RABGGTA: variants seen among roughly 807,000 people sequenced by gnomAD.
RABGGTA encodes Rab geranylgeranyltransferase subunit alpha, also known as geranylgeranyl transferase type-2 subunit alpha.
Under a neutral mutation model 83.3 loss-of-function variants are expected in RABGGTA, and 69 were observed. The observed-to-expected ratio is 0.83, with a 90% CI of 0.68 to 1.01. RABGGTA has a LOEUF of 1.01. Among genes scored for constraint, RABGGTA ranks in the 50% least tolerant of loss-of-function variants. RABGGTA has a pLI of 0.00. For missense variants in RABGGTA, 681 were observed against 712.7 expected (o/e 0.96, Z 0.51); for synonymous variants, 310 against 299.8 (o/e 1.03, Z -0.35).
chr14:24,268,055 A>G, intron 12 of RABGGTA, 55 bp downstream of exon 12: 1 of 1,607,272 alleles, frequency 6.2e-7, no homozygotes, highest in Non-Finnish European at 8.5e-7. Context: ...GCCACACTGG[A>G]AAGGGGTTTC....
intron 4 of RABGGTA, 69 bp downstream of exon 4, chr14:24,270,265 C>T: frequency 1.3e-6 from 2 of 1,588,972 alleles, no homozygotes; most frequent in Non-Finnish European, 1.7e-6. Context: ...ATTTCTCCTC[C>T]ACCCCTAGAC....
At position 24,268,974 on chromosome 14, in the gene RABGGTA, C is replaced by A; in HGVS notation, c.735G>T (p.Leu245=). Residue 245 remains leucine (L), a synonymous_variant, in exon 8 of 17, where the codon CTG becomes CTT. Transcript: ENST00000216840. ...LLGRADPQDA[L]RCLHVSRDEA... is the part of the protein sequence containing the mutation. ...CGTCCCGGCTCACATGCAGGCAGCG[C>A]AGTGCATCCTGGGGGTCAGCTGCGG... is the stretch of plus-strand genomic sequence containing the variant. The A allele has an allele frequency of 6.3e-7, 1 of 1,587,292 alleles. No homozygotes were observed. The highest frequency in any genetic ancestry group is 8.6e-7 in the Non-Finnish European group (1 of 1,165,880).
In RABGGTA at chr14:24,266,413, C is replaced by T. The variant is rs146718924; in HGVS notation, c.1555+17G>A. The stretch of plus-strand genomic sequence containing the variant: ...CACTTTACCCACTGTCTGAAAGGCA[C>T]CCAGAAGGAAGGATACGGTTGTTGC... On this transcript the variant is annotated intron_variant, in intron 16 of 16. Coordinates refer to ENST00000216840, the MANE Select transcript of RABGGTA (RefSeq NM_182836.3). 2.6e-5 allele frequency: 42 copies of T among 1,613,404 alleles called. No homozygotes were observed. The African/African-American group carries it at 5.2e-4, about 20-fold the overall frequency.
Position 24,270,004 on chromosome 14 carries a change from T to G in RABGGTA, c.376A>C (p.Thr126Pro). The change falls in exon 5 of 17, where the codon ACC (threonine) becomes CCC (proline). Residue 126 changes from threonine to proline, a missense_variant. Physicochemically the swap from Thr to Pro is conservative, Grantham distance 38. This residue lies in a region of RABGGTA where 122 missense variants were observed against 118.9 expected (regional missense o/e 1.03). Transcript: ENST00000216840. ...LLGRLPEPNWTRELELCARFL... is the reference protein window; with the variant it reads ...LLGRLPEPNWPRELELCARFL... Reference sequence around the variant, plus strand: ...CGGGCACAGAGCTCCAGCTCTCGGGTCCAGTTGGGCTCAGGCAGGCGGCCT... The same window carrying G: ...CGGGCACAGAGCTCCAGCTCTCGGGGCCAGTTGGGCTCAGGCAGGCGGCCT... 6.2e-7 allele frequency: 1 copy of G among 1,613,692 alleles called. No individual in the cohort carries two copies. Among genetic ancestry groups the G allele is most frequent in the Non-Finnish European group, 8.5e-7 (1 of 1,179,800 alleles).
chr14:24,268,546 C>T lies in RABGGTA; in HGVS notation c.974G>A (p.Gly325Asp), dbSNP rs774100217. ...AAGCACGCATTCTTTCTGGACATCG[C>T]CTGCTGTCCAAATGACGCGAAATGT... ...QHTFRVIWTAGDVQKECVLLK... is the reference protein window; with the variant it reads ...QHTFRVIWTADDVQKECVLLK... The change falls in exon 10 of 17, where the codon GGC becomes GAC. Residue 325 changes from glycine (G) to aspartate (D), a missense_variant. This residue lies in a region of RABGGTA where 421 missense variants were observed against 418.5 expected (regional missense o/e 1.01). Transcript: ENST00000216840. 3 of 1,614,020 alleles carry T rather than the reference C, an allele frequency of 1.9e-6. No individual in the cohort carries two copies. Among genetic ancestry groups the T allele is most frequent in the Admixed American group, 1.7e-5 (1 of 60,020 alleles).
chr14:24,269,761 A>G (rs2040922058), intron 5 of RABGGTA, 67 bp from the exon 6 acceptor site: 5 of 1,539,320 alleles, frequency 3.2e-6, no homozygotes. Flanking sequence ...TGGGACCCCT[A>G]GAGTCCCCTC....
In RABGGTA at chr14:24,269,956, T is replaced by C; in HGVS notation, c.424A>G (p.Asn142Asp). ...CARFLEVDER[N>D]FHCWDYRRFV... ...GACAGAATCTGCAGCCACGTACAGT[T>C]CCGCTCATCCACCTCCAGGAAACGG... is the stretch of plus-strand genomic sequence containing the variant. Residue 142 changes from asparagine (N) to aspartate (D), a missense_variant, in exon 5 of 17, where the codon AAC becomes GAC. Asn to Asp is a conservative substitution (Grantham distance 23, BLOSUM62 1). Around this residue, in one of 5 missense-constraint regions of RABGGTA, gnomAD observed 122 missense variants for 118.9 expected, o/e 1.03. Coordinates refer to ENST00000216840, the MANE Select transcript of RABGGTA (RefSeq NM_182836.3). 6.2e-7 allele frequency: 1 copy of C among 1,613,164 alleles called. No individual in the cohort carries two copies. Among genetic ancestry groups the C allele is most frequent in the South Asian group, 1.1e-5 (1 of 90,960 alleles).
chr14:24,268,050 A>T, intron 12 of RABGGTA, 60 bp downstream of exon 12: 2 of 1,605,510 alleles, frequency 1.2e-6, no homozygotes, highest in Non-Finnish European at 1.7e-6. Flanking sequence ...TCAGGGCCAC[A>T]CTGGAAAGGG....
chr14:24,267,944 T>G lies in RABGGTA; in HGVS notation c.1162A>C (p.Ile388Leu), dbSNP rs769026751. The G allele has an allele frequency of 1.2e-6, 2 of 1,613,796 alleles. No homozygotes were observed. The highest frequency in any genetic ancestry group is 4.5e-5 in the East Asian group (2 of 44,874). Residue 388 changes from isoleucine (I) to leucine (L), a missense_variant, in exon 13 of 17, where the codon ATC (isoleucine) becomes CTC (leucine). This residue lies in a region of RABGGTA where 421 missense variants were observed against 418.5 expected (regional missense o/e 1.01). Transcript: ENST00000216840. ...TCCAGTGCCCGCATCAGCAGGATGA[T>G]GGTAAGCAGGCACCCTGAGGAGAGG... ...EPENKWCLLTIILLMRALDPL... is the reference protein window; with the variant it reads ...EPENKWCLLTLILLMRALDPL...
rs1566386599 is a variant in RABGGTA at position 24,268,413 on chromosome 14, C to T, written c.1014G>A (p.Gln338=). The change falls in exon 11 of 17, where the codon CAG becomes CAA. Residue 338 remains glutamine, a synonymous_variant. Transcript: ENST00000216840. ...TCGTGGAGTCCCGGCACCAGCCCTC[C>T]TGGCGGCCTGGGGAAAGAGTAGGTG... ...QKECVLLKGR[Q]EGWCRDSTTD... 6.2e-7 allele frequency: 1 copy of T among 1,613,676 alleles called. No homozygotes were observed. The highest frequency in any genetic ancestry group is 1.3e-5 in the African/African-American group (1 of 75,058).
Position 24,266,866 on chromosome 14 carries a change from C to T in RABGGTA, c.1377G>A (p.Leu459=). ...GATGGGTGACCAAGAGCAGCTGTTCCAGATGGCAGAGCACTGTCAGATCCT... is the reference window on the plus strand; with the variant it reads ...GATGGGTGACCAAGAGCAGCTGTTCTAGATGGCAGAGCACTGTCAGATCCT... The part of the protein sequence containing the change: ...AHKDLTVLCH[L]EQLLLVTHLD... The change falls in exon 15 of 17, where the codon CTG becomes CTA. Residue 459 remains leucine, a synonymous_variant. Transcript: ENST00000216840. 6.2e-7 allele frequency: 1 copy of T among 1,613,860 alleles called. No individual in the cohort carries two copies. Among genetic ancestry groups the T allele is most frequent in the South Asian group, 1.1e-5 (1 of 91,078 alleles).
intron 6 of RABGGTA, 54 bp from the exon 7 acceptor site, chr14:24,269,217 G>T: frequency 6.7e-7 from 1 of 1,496,092 alleles, no homozygotes. Context: ...TGAGCTCCTG[G>T]CCACTCCAAC....
intron 1 of RABGGTA, 89 bp from the exon 2 acceptor site, chr14:24,271,258 G>A (rs1372989270): frequency 9.0e-6 from 10 of 1,110,526 alleles, no homozygotes; most frequent in Non-Finnish European, 1.1e-5. Context: ...CCTGGGCAGA[G>A]ACCCCCAGAG....
At position 24,269,607 on chromosome 14, in the gene RABGGTA, G is replaced by A. The variant is rs766905922; in HGVS notation, c.515C>T (p.Thr172Ile). 6.2e-7 allele frequency: 1 copy of A among 1,613,808 alleles called. No individual in the cohort carries two copies. Among genetic ancestry groups the A allele is most frequent in the African/African-American group, 1.3e-5 (1 of 74,922 alleles). Residue 172 changes from threonine (T) to isoleucine (I), a missense_variant, in exon 6 of 17, where the codon ACC (threonine) becomes ATC (isoleucine). Transcript: ENST00000216840. ...GGAAGAGTAGTTGGAGAAGTTTCGG[G>A]TGATGAGGCTGTCAGTGAAGGCTAG... Reference protein sequence around the residue: ...EELAFTDSLITRNFSNYSSWH... With the variant: ...EELAFTDSLIIRNFSNYSSWH...
Position 24,270,460 on chromosome 14 carries a change from TAAG to T in RABGGTA, c.115-5_115-3del, listed in dbSNP as rs1566388717. ...CTCATCCAGCTCACCAGCCTGGCGC[TAAG>T]AAGATAGGTGGCAGGGTTAGAGATC... On this transcript the variant is annotated splice_polypyrimidine_tract_variant and splice_region_variant and intron_variant, in intron 3 of 16. Coordinates refer to ENST00000216840, the MANE Select transcript of RABGGTA (RefSeq NM_182836.3). 3 of 1,614,030 alleles carry T rather than the reference TAAG, an allele frequency of 1.9e-6. No homozygotes were observed. The highest frequency in any genetic ancestry group is 1.6e-4 in the Middle Eastern group (1 of 6,062).
Position 24,266,532 on chromosome 14 carries a change from G to T in RABGGTA, c.1468-15C>A. 1 of 1,611,372 alleles carries T rather than the reference G, an allele frequency of 6.2e-7. No individual in the cohort carries two copies. Among genetic ancestry groups the T allele is most frequent in the Non-Finnish European group, 8.5e-7 (1 of 1,177,792 alleles). Reference sequence around the variant, plus strand: ...GCCTGCAGCACCTGGGGGCAGGGAGGGCAGGGAGGCAGGACAGGCGCTGTC... The same window carrying T: ...GCCTGCAGCACCTGGGGGCAGGGAGTGCAGGGAGGCAGGACAGGCGCTGTC... On this transcript the variant is annotated splice_polypyrimidine_tract_variant and intron_variant, in intron 15 of 16. Transcript: ENST00000216840.
Position 24,268,359 on chromosome 14 carries a change from C to G in RABGGTA, c.1058+10G>C. The G allele has an allele frequency of 1.2e-6, 2 of 1,613,022 alleles. No individual in the cohort carries two copies. Among genetic ancestry groups the G allele is most frequent in the Non-Finnish European group, 1.7e-6 (2 of 1,179,894 alleles). ...GCCCCTCTCCTTGTTTTGTGCTTCC[C>G]TATCACCACCTGAATAGCTGCTCGT... is the stretch of plus-strand genomic sequence containing the variant. On this transcript the variant is annotated intron_variant, in intron 11 of 16. Coordinates refer to ENST00000216840, the MANE Select transcript of RABGGTA (RefSeq NM_182836.3).
intron 6 of RABGGTA, 28 bp from the exon 7 acceptor site, chr14:24,269,191 G>A (rs1274590887): frequency 6.3e-7 from 1 of 1,590,000 alleles, no homozygotes. Flanking sequence ...GCATGGGGCT[G>A]TGGTCAGGAC....
In RABGGTA at chr14:24,270,374, T is replaced by A. The variant is rs2040932352; in HGVS notation, c.199A>T (p.Asn67Tyr). 1 of 1,613,824 alleles carries A rather than the reference T, an allele frequency of 6.2e-7. No individual in the cohort carries two copies. The highest frequency in any genetic ancestry group is 1.7e-5 in the Admixed American group (1 of 59,978). ...TGCTGGAGCACCTCTCGTCGGCAGT[T>A]CCAGAGGGTGGCAAAATCAGGGTTG... ...GANPDFATLW[N>Y]CRREVLQQLE... The change falls in exon 4 of 17, where the codon AAC becomes TAC. Residue 67 changes from asparagine (N) to tyrosine (Y), a missense_variant. By Grantham distance (143) the Asn-to-Tyr change is moderately radical. Around this residue, in one of 5 missense-constraint regions of RABGGTA, gnomAD observed 115 missense variants for 111.5 expected, o/e 1.03. Transcript: ENST00000216840.
Sources: gnomAD v4.1 joint callset for allele counts on GRCh38, gnomAD v4.1.1 for gene constraint, gnomAD v4.1.1 regional missense constraint, MANE v1.5 for transcripts, NCBI Gene and HGNC (gene_info 2026-07-23, HGNC 2026-07-21) for gene names.